The following PTPRD variants were observed in gnomAD, a reference collection of about 807,000 sequenced individuals.
PTPRD encodes the protein receptor-type tyrosine-protein phosphatase delta.
In PTPRD, 34 loss-of-function variants were observed where a neutral mutation model predicts 214.5. That is an observed-to-expected ratio of 0.16 (90% CI 0.12 to 0.21). PTPRD has a LOEUF of 0.21. Ranked by LOEUF, PTPRD falls within the 10% of genes least tolerant of loss-of-function variation. The pLI is 1.00. For missense variants in PTPRD, 2,545 were observed against 2,398.7 expected (o/e 1.06, Z -1.27); for synonymous variants, 1,128 against 845.7 (o/e 1.33, Z -5.79).
At chr9:8,846,734 G>A (rs1224028700) in intron 11 of PTPRD, among the ~76,000 whole-genome samples, 1 of 152,152 alleles carries the variant, frequency 6.6e-6, no homozygotes, top group African/African-American at 2.4e-5. Flanking sequence ...TGTTAGGGAT[G>A]GAAGGAGTGG....
intron 8 of PTPRD, among the ~76,000 whole-genome samples, chr9:9,526,573 G>T (rs1052878781): frequency 6.6e-6 from 1 of 152,102 alleles, no homozygotes; most frequent in African/African-American, 2.4e-5. Context: ...ATGATAGAAA[G>T]TTATCAGAAA....
chr9:8,621,623 T>A (rs561864162), intron 14 of PTPRD, among the ~76,000 whole-genome samples: 2 of 152,028 alleles, frequency 1.3e-5, no homozygotes, highest in South Asian at 4.2e-4. Flanking sequence ...GTTTGTAAGC[T>A]GAGATGAGGG....
chr9:8,465,821 T>C, intron 31 of PTPRD, 146 bp from the exon 32 acceptor site: 2 of 653,758 alleles, frequency 3.1e-6, no homozygotes, highest in Non-Finnish European at 5.2e-6. Flanking sequence ...CATCACTAAA[T>C]CTCAGTTCTC....
intron 12 of PTPRD, among the ~76,000 whole-genome samples, chr9:8,708,509 A>G (rs1169849510): frequency 1.3e-5 from 2 of 151,350 alleles, no homozygotes; most frequent in African/African-American, 2.4e-5. Flanking sequence ...CCCCGTCTCT[A>G]CCAAAAAAAT....
intron 11 of PTPRD, among the ~76,000 whole-genome samples, chr9:8,982,391 C>G (rs2099317391): frequency 6.6e-6 from 1 of 151,910 alleles, no homozygotes; most frequent in Non-Finnish European, 1.5e-5. Context: ...AAGTCTTTCT[C>G]TCTGTTTTCC....
chr9:9,067,018 G>A (rs1458585645), intron 10 of PTPRD, among the ~76,000 whole-genome samples: 2 of 152,180 alleles, frequency 1.3e-5, no homozygotes, highest in East Asian at 1.9e-4. Context: ...TGAGGTGGGC[G>A]GATCACCTGA....
At chr9:8,959,100 G>A (rs2099146216) in intron 11 of PTPRD, among the ~76,000 whole-genome samples, 1 of 151,942 alleles carries the variant, frequency 6.6e-6, no homozygotes, top group East Asian at 1.9e-4. Context: ...ATCTTATTGT[G>A]ACAATGGCTA....
intron 37 of PTPRD, among the ~76,000 whole-genome samples, chr9:8,380,584 G>A (rs1012745941): frequency 1.3e-5 from 2 of 152,170 alleles, no homozygotes; most frequent in Non-Finnish European, 2.9e-5. Context: ...AGAACAGGGT[G>A]ACCATTGCTA....
intron 2 of PTPRD, among the ~76,000 whole-genome samples, chr9:10,507,220 C>T (rs1323446462): frequency 6.6e-6 from 1 of 151,958 alleles, no homozygotes; most frequent in African/African-American, 2.4e-5. Flanking sequence ...GAATAAAATA[C>T]CTAGGAATCC....
intron 10 of PTPRD, among the ~76,000 whole-genome samples, chr9:9,131,546 C>G (rs768299154): frequency 4.6e-5 from 7 of 152,086 alleles, no homozygotes; most frequent in Non-Finnish European, 1.0e-4. Flanking sequence ...ATAATATATT[C>G]TATTTGTCAA....
intron 6 of PTPRD, among the ~76,000 whole-genome samples, chr9:9,744,958 A>T (rs967406719): frequency 6.6e-6 from 1 of 152,110 alleles, no homozygotes; most frequent in Non-Finnish European, 1.5e-5. Context: ...AAATCAATAG[A>T]AAGCATTTTC....
intron 5 of PTPRD, among the ~76,000 whole-genome samples, chr9:9,839,519 A>G (rs911238706): frequency 2.0e-5 from 3 of 152,140 alleles, no homozygotes; most frequent in Non-Finnish European, 4.4e-5. Context: ...CTCTTCAAGG[A>G]GAACTACAAA....
chr9:8,410,904 C>T (rs1036398468), intron 35 of PTPRD, among the ~76,000 whole-genome samples: 2 of 152,030 alleles, frequency 1.3e-5, no homozygotes, highest in Non-Finnish European at 2.9e-5. Flanking sequence ...ATCATTCATC[C>T]ATGGCAAGTG....
chr9:8,398,859 A>C (rs1248290677), intron 36 of PTPRD, among the ~76,000 whole-genome samples: 2 of 152,116 alleles, frequency 1.3e-5, no homozygotes, highest in African/African-American at 4.8e-5. Flanking sequence ...TGGTTTATAA[A>C]TTACCCAGTC....
rs371347969 is a variant in PTPRD at position 8,406,807 on chromosome 9, G to C, written c.4087-2147C>G. Among the ~76,000 whole-genome samples the C allele has an allele frequency of 1.0e-3, 154 of 152,248 alleles. No homozygotes were observed. The South Asian group carries it at 0.022, about 22-fold the overall frequency. On this transcript the variant is annotated intron_variant, in intron 35 of 45. Transcript: ENST00000381196. ...CATATGGCTTAGTGATTAAGTATGTGATCATGGAATTATAACTACCACTGC... is the reference window on the plus strand; with the variant it reads ...CATATGGCTTAGTGATTAAGTATGTCATCATGGAATTATAACTACCACTGC...
chr9:10,268,209 G>C (rs1317072505), intron 3 of PTPRD, among the ~76,000 whole-genome samples: 2 of 148,718 alleles, frequency 1.3e-5, no homozygotes, highest in Non-Finnish European at 3.0e-5. Context: ...AGAATCGCTT[G>C]AACCCAGGAG....
intron 8 of PTPRD, among the ~76,000 whole-genome samples, chr9:9,462,684 T>G (rs182198572): frequency 1.6e-3 from 250 of 152,160 alleles, no homozygotes; most frequent in African/African-American, 5.5e-3. Flanking sequence ...TCCTTTTCGA[T>G]CTCCCTAAAT....
rs2093377749 is a variant in PTPRD, at chr9:10,257,595, A to C, written c.-545+83368T>G. On this transcript the variant is annotated intron_variant, in intron 3 of 45. Transcript: ENST00000381196. Reference sequence around the variant, plus strand: ...CTGACTTCCTAAATCAAAATGATTTATATGGTGCCATATACATTTCATCCT... The same window carrying C: ...CTGACTTCCTAAATCAAAATGATTTCTATGGTGCCATATACATTTCATCCT... Among the ~76,000 whole-genome samples, 3 of 152,238 alleles carry C rather than the reference A, an allele frequency of 2.0e-5. No individual in the cohort carries two copies. The South Asian group carries it at 6.2e-4, about 31-fold the overall frequency.
chr9:10,187,290 G>A (rs1326514330), intron 3 of PTPRD, among the ~76,000 whole-genome samples: 1 of 152,020 alleles, frequency 6.6e-6, no homozygotes, highest in Non-Finnish European at 1.5e-5. Context: ...CTAGAATATA[G>A]CACAGCATTT....
Sources: allele counts gnomAD v4.1 joint callset (sites outside exome capture counted in the v4.1 genomes callset), GRCh38; gene constraint gnomAD v4.1.1; transcripts MANE v1.5; gene names NCBI Gene and HGNC (gene_info 2026-07-23, HGNC 2026-07-21).